RALGAPA1: variants seen among roughly 807,000 people sequenced by gnomAD.
The protein encoded by RALGAPA1 is Ral GTPase activating protein catalytic subunit alpha 1.
Under a neutral mutation model 269.6 loss-of-function variants are expected in RALGAPA1, and 52 were observed. The observed-to-expected ratio is 0.19, with a 90% CI of 0.15 to 0.24. The LOEUF (loss-of-function observed/expected upper bound fraction) is 0.24, where lower values mean the gene tolerates loss of function less well. Among genes scored for constraint, RALGAPA1 ranks in the 10% least tolerant of loss-of-function variants. The probability of loss-of-function intolerance (pLI) is 1.00; values close to 1 mark genes in which losing one functional copy is unlikely to be tolerated. For missense variants in RALGAPA1, 1,917 were observed against 3,013.9 expected (o/e 0.64, Z 8.52); for synonymous variants, 817 against 1,008.3 (o/e 0.81, Z 3.60).
chr14:35,671,284 T>C (rs867790727), intron 26 of RALGAPA1, 105 bp downstream of exon 26: 5 of 1,069,428 alleles, frequency 4.7e-6, no homozygotes, highest in Middle Eastern at 3.5e-4. Flanking sequence ...CAATTCCAAT[T>C]AAATTGCAAA....
chr14:35,665,635 T>C (rs2063867837), intron 26 of RALGAPA1, among the ~76,000 whole-genome samples: 1 of 152,158 alleles, frequency 6.6e-6, no homozygotes, highest in South Asian at 2.1e-4. Context: ...AACAACTCAT[T>C]TCCAGATTTA....
In RALGAPA1 at chr14:35,547,118, C is replaced by T. The variant is rs868656108; in HGVS notation, c.*23+1390G>A. 3.9e-5 allele frequency among the ~76,000 whole-genome samples: 6 copies of T among 152,178 alleles called. No homozygotes were observed. In the South Asian group the frequency reaches 8.3e-4, roughly 21 times the overall value. ...AAAATTAGAGGATGGTTCTTAAATG[C>T]AGTGACAACTCTTAAAAATTAACTG... is the stretch of plus-strand genomic sequence containing the variant. On this transcript the variant is annotated intron_variant, in intron 41 of 41. Coordinates refer to ENST00000680220, the MANE Select transcript of RALGAPA1 (RefSeq NM_001346249.2).
intron 30 of RALGAPA1, 38 bp downstream of exon 30, chr14:35,654,329 T>G: frequency 6.6e-7 from 1 of 1,519,070 alleles, no homozygotes; most frequent in Non-Finnish European, 8.8e-7. Context: ...CTAAAAAAAT[T>G]TAACAAGGTC....
intron 16 of RALGAPA1, among the ~76,000 whole-genome samples, chr14:35,702,895 A>G (rs2067486508): frequency 6.6e-6 from 1 of 151,766 alleles, no homozygotes; most frequent in Admixed American, 6.6e-5. Context: ...GCCTGCTACC[A>G]CGCCAGGCTA....
intron 1 of RALGAPA1, among the ~76,000 whole-genome samples, chr14:35,802,485 A>G (rs908498380): frequency 9.2e-5 from 14 of 152,174 alleles, no homozygotes; most frequent in Non-Finnish European, 1.8e-4. Flanking sequence ...CAAAAGATGT[A>G]TAAGACCTGC....
At chr14:35,748,968 T>C (rs1483658195) in intron 9 of RALGAPA1, 144 bp from the exon 10 acceptor site, 1 of 1,328,436 alleles carries the variant, frequency 7.5e-7, no homozygotes, top group Non-Finnish European at 9.8e-7. Flanking sequence ...GGGCATAGAG[T>C]TTCATTTAAA....
chr14:35,592,053 CTTT>C (rs981264058), intron 37 of RALGAPA1, among the ~76,000 whole-genome samples: 4 of 152,200 alleles, frequency 2.6e-5, no homozygotes, highest in African/African-American at 7.2e-5. Flanking sequence ...AATTACACCT[CTTT>C]TGTTTATAAA....
chr14:35,627,713 C>G lies in RALGAPA1; in HGVS notation c.6234G>C (p.Gln2078His). The change falls in exon 34 of 42, where the codon CAG becomes CAC. Residue 2078 changes from glutamine to histidine, a missense_variant. Coordinates refer to ENST00000680220, the MANE Select transcript of RALGAPA1 (RefSeq NM_001346249.2). ...LNNTTLVSCIQIRSEENMPGG... is the reference protein window; with the variant it reads ...LNNTTLVSCIHIRSEENMPGG... ...CAGGCATATTCTCTTCTGATCTGAT[C>G]TGGATACAGGACACTAAGGTTGTAT... 1 of 1,611,830 alleles carries G rather than the reference C, an allele frequency of 6.2e-7. No homozygotes were observed. Among genetic ancestry groups the G allele is most frequent in the Non-Finnish European group, 8.5e-7 (1 of 1,179,090 alleles).
intron 16 of RALGAPA1, among the ~76,000 whole-genome samples, chr14:35,714,093 T>TA (rs1269103441): frequency 0.011 from 1,456 of 130,120 alleles, 7 homozygotes; most frequent in South Asian, 0.015. Context: ...AGACTCCGTC[T>TA]AAAAAAAAAA....
At chr14:35,755,314 C>T (rs2073077379) in intron 7 of RALGAPA1, among the ~76,000 whole-genome samples, 1 of 152,134 alleles carries the variant, frequency 6.6e-6, no homozygotes, top group South Asian at 2.1e-4. Flanking sequence ...AACTGGGCCA[C>T]TGTACTCCAG....
rs1323242756 is a variant in RALGAPA1, at chr14:35,549,152, C to A, written c.7579G>T (p.Val2527Phe). Residue 2527 changes from valine (V) to phenylalanine (F), a missense_variant, in exon 40 of 42, where the codon GTT (valine) becomes TTT (phenylalanine). Val to Phe is a conservative substitution (Grantham distance 50, BLOSUM62 -1). Transcript: ENST00000680220. The stretch of plus-strand genomic sequence containing the variant: ...TGGTGGTAGGGAGCTGGAGAAAAAA[C>A]CTGTGCTGCAAAATCTTCAAATGTT... ...PTTFEDFAAQ[V>F]FSPAPYHHLP... 6.2e-7 allele frequency: 1 copy of A among 1,611,948 alleles called. No individual in the cohort carries two copies. The highest frequency in any genetic ancestry group is 8.5e-7 in the Non-Finnish European group (1 of 1,179,290).
intron 16 of RALGAPA1, among the ~76,000 whole-genome samples, chr14:35,715,030 A>T (rs2068690828): frequency 6.6e-6 from 1 of 151,946 alleles, no homozygotes; most frequent in Non-Finnish European, 1.5e-5. Flanking sequence ...TTGTCTTTCC[A>T]TTCTGCTATG....
rs1481432502 is a variant in RALGAPA1 at position 35,762,726 on chromosome 14, G to C, written c.353C>G (p.Thr118Arg). 1 of 1,517,972 alleles carries C rather than the reference G, an allele frequency of 6.6e-7. No individual in the cohort carries two copies. The highest frequency in any genetic ancestry group is 1.4e-5 in the African/African-American group (1 of 73,052). The allele number at this position is 1,517,972 out of a possible 1,614,324, so 94.0% of individuals were successfully genotyped here. ...TAGTTGTACCTTTAAGGAGTTTCCT[G>C]TGTGAAGTAGCTTCTTTAAAATCAA... is the stretch of plus-strand genomic sequence containing the variant. ...IGLILKKLLH[T>R]GNSLKIRREG... is the part of the protein sequence containing the mutation. The change falls in exon 5 of 42, where the codon ACA (threonine) becomes AGA (arginine). Residue 118 changes from threonine (T) to arginine (R), a missense_variant. Thr to Arg is a moderately conservative substitution (Grantham distance 71, BLOSUM62 -1). Transcript: ENST00000680220.
chr14:35,622,297 A>G (rs1335414643), intron 35 of RALGAPA1, among the ~76,000 whole-genome samples: 1 of 151,950 alleles, frequency 6.6e-6, no homozygotes, highest in Non-Finnish European at 1.5e-5. Context: ...GCTCATCCAT[A>G]GGTGGGAATT....
At chr14:35,606,368 C>T (rs2059597350) in intron 35 of RALGAPA1, among the ~76,000 whole-genome samples, 1 of 152,124 alleles carries the variant, frequency 6.6e-6, no homozygotes, top group Non-Finnish European at 1.5e-5. Flanking sequence ...TGTAGGAATA[C>T]TGTAGGCAAT....
Position 35,798,057 on chromosome 14 carries a change from G to A in RALGAPA1, c.106+10673C>T, listed in dbSNP as rs868019001. The stretch of plus-strand genomic sequence containing the variant: ...CTGCATAATTTTTGTGCTTTTTGTA[G>A]AGGTGGGGTTTTGCCTTGTTGCCTA... On this transcript the variant is annotated intron_variant, in intron 1 of 41. Transcript: ENST00000680220. 5.9e-5 allele frequency among the ~76,000 whole-genome samples: 9 copies of A among 151,386 alleles called. No individual in the cohort carries two copies. The South Asian group carries it at 1.5e-3, about 25-fold the overall frequency.
At chr14:35,571,700 C>T (rs2057212967) in intron 38 of RALGAPA1, among the ~76,000 whole-genome samples, 1 of 151,948 alleles carries the variant, frequency 6.6e-6, no homozygotes, top group Non-Finnish European at 1.5e-5. Flanking sequence ...AAAACCAAAA[C>T]AAAACCACCA....
In RALGAPA1 at chr14:35,671,414, C is replaced by T. The variant is rs868275818; in HGVS notation, c.5177G>A (p.Arg1726Lys). 1 of 1,611,084 alleles carries T rather than the reference C, an allele frequency of 6.2e-7. No homozygotes were observed. Among genetic ancestry groups the T allele is most frequent in the Non-Finnish European group, 8.5e-7 (1 of 1,178,920 alleles). Reference sequence around the variant, plus strand: ...ATTGAGAAAAGCTGAAGAAGCCACTCTACCAGCTGCTACAATAAAATCCAT... The same window carrying T: ...ATTGAGAAAAGCTGAAGAAGCCACTTTACCAGCTGCTACAATAAAATCCAT... ...LIMDFIVAAG[R>K]VASSAFLNAP... The change falls in exon 26 of 42, where the codon AGA becomes AAA. Residue 1726 changes from arginine to lysine, a missense_variant. Physicochemically the swap from Arg to Lys is conservative, Grantham distance 26 (BLOSUM62 2). Transcript: ENST00000680220.
At position 35,634,680 on chromosome 14, in the gene RALGAPA1, T is replaced by A. The variant is rs767243878; in HGVS notation, c.5889A>T (p.Ala1963=). The A allele has an allele frequency of 6.2e-7, 1 of 1,613,660 alleles. No individual in the cohort carries two copies. The highest frequency in any genetic ancestry group is 1.3e-5 in the African/African-American group (1 of 74,992). The part of the protein sequence containing the change: ...RYFPMSLSDL[A]SVDYDPFMHL... Reference sequence around the variant, plus strand: ...GCATAAAAGGATCATAATCTACAGATGCCAAATCAGAGAGGCTCATGGGAA... The same window carrying A: ...GCATAAAAGGATCATAATCTACAGAAGCCAAATCAGAGAGGCTCATGGGAA... The change falls in exon 33 of 42, where the codon GCA becomes GCT. Residue 1963 remains alanine (A), a synonymous_variant. Transcript: ENST00000680220.
Sources: allele counts gnomAD v4.1 joint callset (sites outside exome capture counted in the v4.1 genomes callset), GRCh38; gene constraint gnomAD v4.1.1; transcripts MANE v1.5; gene names NCBI Gene and HGNC (gene_info 2026-07-23, HGNC 2026-07-21).